The following PTPRD variants were observed in gnomAD, a reference collection of about 807,000 sequenced individuals.
PTPRD encodes the protein protein tyrosine phosphatase receptor type D, also known as receptor-type tyrosine-protein phosphatase delta.
In PTPRD, 34 loss-of-function variants were observed where a neutral mutation model predicts 214.5. The ratio of observed to expected loss-of-function variants is 0.16; its 90% CI spans 0.12 to 0.21. The LOEUF (loss-of-function observed/expected upper bound fraction) is 0.21, where lower values mean the gene tolerates loss of function less well. Ranked by LOEUF, PTPRD falls within the 10% of genes least tolerant of loss-of-function variation. The pLI is 1.00. For missense variants in PTPRD, 2,545 were observed against 2,398.7 expected, an observed-to-expected ratio of 1.06 and a Z score of -1.27; for synonymous variants, 1,128 against 845.7, an observed-to-expected ratio of 1.33 and a Z score of -5.79.
intron 3 of PTPRD, among the ~76,000 whole-genome samples, chr9:10,065,811 T>G (rs1455722558): frequency 6.6e-6 from 1 of 151,762 alleles, no homozygotes; most frequent in South Asian, 2.1e-4. Flanking sequence ...ATTAAGAAAA[T>G]AAAGGAAATC....
chr9:8,534,021 A>C (rs540875428), intron 14 of PTPRD, among the ~76,000 whole-genome samples: 1 of 152,156 alleles, frequency 6.6e-6, no homozygotes, highest in East Asian at 1.9e-4. Context: ...AAGGAGTATT[A>C]GAATTAGAGA....
chr9:8,517,319 CTG>C (rs983434431), intron 21 of PTPRD, among the ~76,000 whole-genome samples: 45 of 152,168 alleles, frequency 3.0e-4, no homozygotes, highest in African/African-American at 1.1e-3. Flanking sequence ...ATCTCGGTAA[CTG>C]TCTCTCTTTA....
chr9:9,508,291 A>C (rs1017902744), intron 8 of PTPRD, among the ~76,000 whole-genome samples: 1 of 151,546 alleles, frequency 6.6e-6, no homozygotes, highest in Non-Finnish European at 1.5e-5. Flanking sequence ...ACTAATGAGC[A>C]ATACACAGGC....
chr9:9,038,553 G>T (rs888469213), intron 10 of PTPRD, among the ~76,000 whole-genome samples: 6 of 129,044 alleles, frequency 4.6e-5, no homozygotes, highest in Non-Finnish European at 6.4e-5. Flanking sequence ...TGTGATAACG[G>T]TTTTTTTTTT....
At position 10,475,447 on chromosome 9, in the gene PTPRD, C is replaced by T. The variant is rs150324047; in HGVS notation, c.-599-134430G>A. 4.6e-3 allele frequency among the ~76,000 whole-genome samples: 693 copies of T among 151,874 alleles called. 9 individuals carry two copies. Among genetic ancestry groups the T allele is most frequent in the African/African-American group, 0.016 (662 of 41,448 alleles). On this transcript the variant is annotated intron_variant, in intron 2 of 45. Coordinates refer to ENST00000381196, the MANE Select transcript of PTPRD (RefSeq NM_002839.4). ...CAAGACTAAACAAAGAAGTCGAATCCCTGAATATAGGAATAAAAAGTTCTG... is the reference window on the plus strand; with the variant it reads ...CAAGACTAAACAAAGAAGTCGAATCTCTGAATATAGGAATAAAAAGTTCTG...
intron 5 of PTPRD, among the ~76,000 whole-genome samples, chr9:9,918,378 AT>A (rs2081562880): frequency 6.7e-6 from 1 of 149,724 alleles, no homozygotes; most frequent in Non-Finnish European, 1.5e-5. Context: ...AAACTCCACA[AT>A]GAAAACTACA....
At position 10,574,880 on chromosome 9, in the gene PTPRD, A is replaced by T. The variant is rs191491206; in HGVS notation, c.-600+37518T>A. 3.8e-3 allele frequency among the ~76,000 whole-genome samples: 572 copies of T among 150,280 alleles called. 4 individuals carry two copies. The highest frequency in any genetic ancestry group is 3.4e-3 in the Non-Finnish European group (232 of 67,286). On this transcript the variant is annotated intron_variant, in intron 2 of 45. Transcript: ENST00000381196. The stretch of plus-strand genomic sequence containing the variant: ...CCATTTAAAAATAATTACCTAAAGA[A>T]ATTGCCTTTTCCCATTTGTCTACAA...
At chr9:9,250,610 T>C (rs898715929) in intron 9 of PTPRD, among the ~76,000 whole-genome samples, 1 of 152,110 alleles carries the variant, frequency 6.6e-6, no homozygotes, top group Non-Finnish European at 1.5e-5. Flanking sequence ...CATTCTCATA[T>C]GCACTAAACT....
intron 7 of PTPRD, among the ~76,000 whole-genome samples, chr9:9,633,755 G>A (rs911718187): frequency 2.2e-4 from 33 of 152,188 alleles, no homozygotes; most frequent in Non-Finnish European, 3.1e-4. Context: ...TACACTAATC[G>A]CAAACATATT....
At chr9:8,476,157 A>C (rs2096759969) in intron 30 of PTPRD, among the ~76,000 whole-genome samples, 1 of 151,904 alleles carries the variant, frequency 6.6e-6, no homozygotes. Context: ...ATGGAAGAAA[A>C]TTTTTCCACG....
At chr9:10,211,097 AAG>A (rs931258270) in intron 3 of PTPRD, among the ~76,000 whole-genome samples, 1 of 151,910 alleles carries the variant, frequency 6.6e-6, no homozygotes, top group Non-Finnish European at 1.5e-5. Flanking sequence ...TCTTGGGAAA[AAG>A]GGGGAGATTG....
At chr9:9,575,111 ATTAAT>A (rs1306889235) in intron 7 of PTPRD, among the ~76,000 whole-genome samples, 1 of 152,154 alleles carries the variant, frequency 6.6e-6, no homozygotes, top group African/African-American at 2.4e-5. Flanking sequence ...TCTCTGTTAC[ATTAAT>A]TTAACAATGT....
chr9:8,364,655 CATCACA>C (rs1177842156), intron 39 of PTPRD, among the ~76,000 whole-genome samples: 1 of 152,218 alleles, frequency 6.6e-6, no homozygotes, highest in Non-Finnish European at 1.5e-5. Context: ...TGGTTTCCAC[CATCACA>C]GCTCCAGGCA....
At position 10,143,038 on chromosome 9, in the gene PTPRD, A is replaced by G. The variant is rs189849462; in HGVS notation, c.-544-109248T>C. 3.8e-3 allele frequency among the ~76,000 whole-genome samples: 572 copies of G among 151,908 alleles called. 29 individuals are homozygous for G. In the South Asian group the frequency reaches 0.1, roughly 28 times the overall value. ...CTATCACAAGGACAAAAAACCAAAC[A>G]CCGCATATTGTCACTCATAGGTGGG... On this transcript the variant is annotated intron_variant, in intron 3 of 45. Coordinates refer to ENST00000381196, the MANE Select transcript of PTPRD (RefSeq NM_002839.4).
rs866498465 is a variant in PTPRD, at chr9:10,170,088, T to C, written c.-544-136298A>G. ...AGAAGGGACTTTTGCATATCAAGAA[T>C]TTCAAAGAATGATAGAGAAACTTTG... On this transcript the variant is annotated intron_variant, in intron 3 of 45. Transcript: ENST00000381196. 5.3e-5 allele frequency among the ~76,000 whole-genome samples: 8 copies of C among 152,326 alleles called. No homozygotes were observed. In the Middle Eastern group the frequency reaches 0.02, roughly 389 times the overall value.
intron 7 of PTPRD, among the ~76,000 whole-genome samples, chr9:9,618,102 A>AAAAAAAAC (rs2095008771): frequency 6.8e-6 from 1 of 146,976 alleles, no homozygotes; most frequent in African/African-American, 2.5e-5. Context: ...AAAAAAAAAA[A>AAAAAAAAC]AAGATTTTGT....
intron 11 of PTPRD, among the ~76,000 whole-genome samples, chr9:8,838,572 GAA>G (rs1430362226): frequency 3.4e-5 from 5 of 146,222 alleles, no homozygotes; most frequent in African/African-American, 1.2e-4. Context: ...ATAAAAGAGA[GAA>G]AACAACTTAT....
chr9:9,512,526 T>TA (rs1435288895), intron 8 of PTPRD, among the ~76,000 whole-genome samples: 2 of 151,922 alleles, frequency 1.3e-5, no homozygotes, highest in Non-Finnish European at 2.9e-5. Flanking sequence ...ATTTCAGTGA[T>TA]AAAAATGCAA....
Position 8,335,033 on chromosome 9 carries a change from A to G in PTPRD, c.5380-3297T>C, listed in dbSNP as rs894642203. 2.7e-5 allele frequency among the ~76,000 whole-genome samples: 4 copies of G among 150,262 alleles called. No homozygotes were observed. The South Asian group carries it at 8.7e-4, about 33-fold the overall frequency. On this transcript the variant is annotated intron_variant, in intron 43 of 45. Coordinates refer to ENST00000381196, the MANE Select transcript of PTPRD (RefSeq NM_002839.4). ...GGCAGTAATTAATAGCCTAGCAACC[A>G]AAAAAGTCCAGGACCAGATGAATTC...
Sources: allele counts gnomAD v4.1 joint callset (sites outside exome capture counted in the v4.1 genomes callset), GRCh38; gene constraint gnomAD v4.1.1; transcripts MANE v1.5; gene names NCBI Gene and HGNC (gene_info 2026-07-23, HGNC 2026-07-21).